Variants in OR2A5 observed in about 807,000 individuals in gnomAD.
OR2A5 encodes the protein olfactory receptor family 2 subfamily A member 5.
OR2A5 carries 2 observed loss-of-function variants against 1.9 expected under a neutral mutation model. That is an observed-to-expected ratio of 1.04 (90% confidence interval 0.43 to 3.28). OR2A5 has a LOEUF of 3.28. Among genes scored for constraint, OR2A5 ranks in the 30% most tolerant of loss-of-function variants. The pLI, the probability that OR2A5 is intolerant of heterozygous loss-of-function variation, is 0.08. For synonymous variants in OR2A5, 160 were observed against 154.5 expected (o/e 1.04, Z -0.26); for missense variants, 391 against 375.9 (o/e 1.04, Z -0.33).
At position 144,058,562 on chromosome 7, in the gene OR2A5, G is replaced by A. The variant is rs1345790204; in HGVS notation, c.*7225G>A. On this transcript the variant is annotated 3_prime_UTR_variant, in exon 2 of 2. Coordinates refer to ENST00000641693, the MANE Select transcript of OR2A5 (RefSeq NM_012365.2). ...AAGCAAACACATCCTTCTTCACACG[G>A]TGGCCAGAAGAACTGCCAAGCAAAG... 2 of 152,270 alleles carry A rather than the reference G, an allele frequency of 1.3e-5. No individual in the cohort carries two copies. The highest frequency in any genetic ancestry group is 1.5e-5 in the Non-Finnish European group (1 of 68,182). The allele number at this position is 152,270 out of a possible 1,614,324, so 9.4% of individuals were successfully genotyped here.
rs2951366 is a variant in OR2A5 at position 144,056,444 on chromosome 7, A to G, written c.*5107A>G. 0.62 allele frequency: 94,767 copies of G among 152,050 alleles called. 30,664 individuals carry two copies. Among genetic ancestry groups the G allele is most frequent in the African/African-American group, 0.79 (32,978 of 41,492 alleles). The allele number at this position is 152,050 out of a possible 1,614,324, so 9.4% of individuals were successfully genotyped here. On this transcript the variant is annotated 3_prime_UTR_variant, in exon 2 of 2. Coordinates refer to ENST00000641693, the MANE Select transcript of OR2A5 (RefSeq NM_012365.2). ...GATAGGAAGCCCAAAGAGCTGGGCC[A>G]AGACAACCCCTGAGCTTCTAGATGA...
Position 144,052,123 on chromosome 7 carries a change from A to G in OR2A5, c.*786A>G, listed in dbSNP as rs1036743165. 2 of 152,226 alleles carry G rather than the reference A, an allele frequency of 1.3e-5. No individual in the cohort carries two copies. Among genetic ancestry groups the G allele is most frequent in the Non-Finnish European group, 2.9e-5 (2 of 68,034 alleles). 9.4% of individuals were successfully genotyped at this position (152,226 alleles called of 1,614,324 possible). ...TGATTACATAAAATATTGTAGTAGT[A>G]AGAAAATACTGCAAAGGAAGAAAGC... On this transcript the variant is annotated 3_prime_UTR_variant, in exon 2 of 2. Transcript: ENST00000641693.
chr7:144,049,903 T>C (rs1186137832), intron 1 of OR2A5, among the ~76,000 whole-genome samples: 2 of 152,194 alleles, frequency 1.3e-5, no homozygotes, highest in Non-Finnish European at 2.9e-5. Context: ...TCTCTAATCA[T>C]TTACTGGAGC....
Position 144,050,837 on chromosome 7 carries a change from G to C in OR2A5, c.436G>C (p.Val146Leu). The C allele has an allele frequency of 6.2e-7, 1 of 1,614,172 alleles. No homozygotes were observed. The change falls in exon 2 of 2, where the codon GTC becomes CTC. Residue 146 changes from valine to leucine, a missense_variant. Val to Leu is a conservative substitution (Grantham distance 32, BLOSUM62 1). Transcript: ENST00000641693. ...MRWGVCTVLA[V>L]TSWACGSLLA... is the part of the protein sequence containing the mutation. The stretch of plus-strand genomic sequence containing the variant: ...ATGGGGAGTGTGCACAGTCCTGGCT[G>C]TCACTTCTTGGGCATGTGGTTCCCT...
Position 144,050,696 on chromosome 7 carries a change from A to G in OR2A5, c.295A>G (p.Met99Val), listed in dbSNP as rs2050894872. The G allele has an allele frequency of 1.2e-6, 2 of 1,614,170 alleles. No homozygotes were observed. The highest frequency in any genetic ancestry group is 1.7e-6 in the Non-Finnish European group (2 of 1,180,032). ...RKTISFVPCTMQTFLYMAFAH... is the reference protein window; with the variant it reads ...RKTISFVPCTVQTFLYMAFAH... ...AACAATCTCCTTTGTCCCATGCACAATGCAGACCTTTTTATACATGGCTTT... is the reference window on the plus strand; with the variant it reads ...AACAATCTCCTTTGTCCCATGCACAGTGCAGACCTTTTTATACATGGCTTT... The change falls in exon 2 of 2, where the codon ATG (methionine) becomes GTG (valine). Residue 99 changes from methionine (M) to valine (V), a missense_variant. Coordinates refer to ENST00000641693, the MANE Select transcript of OR2A5 (RefSeq NM_012365.2).
In OR2A5 at chr7:144,055,404, T is replaced by C. The variant is rs2128797798; in HGVS notation, c.*4067T>C. On this transcript the variant is annotated 3_prime_UTR_variant, in exon 2 of 2. Coordinates refer to ENST00000641693, the MANE Select transcript of OR2A5 (RefSeq NM_012365.2). ...TAGAGTCTTTCCAATGTCTCTTCAA[T>C]CTTGAAAATTTAAGATTTCATAATA... The C allele has an allele frequency of 6.6e-6, 1 of 152,330 alleles. No individual in the cohort carries two copies. Among genetic ancestry groups the C allele is most frequent in the South Asian group, 2.1e-4 (1 of 4,828 alleles). The allele number at this position is 152,330 out of a possible 1,614,324, so 9.4% of individuals were successfully genotyped here.
At position 144,055,693 on chromosome 7, in the gene OR2A5, C is replaced by T. The variant is rs991563927; in HGVS notation, c.*4356C>T. ...TTATTTCTAGATATACATGGTTTCA[C>T]ATTTTAAAATATTAGCCTGATATTC... On this transcript the variant is annotated 3_prime_UTR_variant, in exon 2 of 2. Coordinates refer to ENST00000641693, the MANE Select transcript of OR2A5 (RefSeq NM_012365.2). 4.3e-4 allele frequency: 66 copies of T among 152,200 alleles called. 1 individual carries two copies. Among genetic ancestry groups the T allele is most frequent in the Admixed American group, 4.3e-3 (65 of 15,284 alleles). 9.4% of individuals were successfully genotyped at this position (152,200 alleles called of 1,614,324 possible). A position where few individuals can be genotyped will look rare whatever the true frequency, so the allele number is the denominator to read the frequency against.
rs1236986735 is a variant in OR2A5, at chr7:144,056,859, G to A, written c.*5522G>A. 4 of 125,882 alleles carry A rather than the reference G, an allele frequency of 3.2e-5. No individual in the cohort carries two copies. Among genetic ancestry groups the A allele is most frequent in the African/African-American group, 1.3e-4 (4 of 31,466 alleles). The allele number at this position is 125,882 out of a possible 1,614,324, so 7.8% of individuals were successfully genotyped here. The stretch of plus-strand genomic sequence containing the variant: ...AGACGGAGTCTCGCTCTGTCGCCCA[G>A]GCTGGAGTGCAGTGGCACAATCTCG... On this transcript the variant is annotated 3_prime_UTR_variant, in exon 2 of 2. Transcript: ENST00000641693.
rs780387774 is a variant in OR2A5 at position 144,055,360 on chromosome 7, G to A, written c.*4023G>A. 10 of 152,090 alleles carry A rather than the reference G, an allele frequency of 6.6e-5. No individual in the cohort carries two copies. The highest frequency in any genetic ancestry group is 1.5e-4 in the Non-Finnish European group (10 of 68,016). The allele number at this position is 152,090 out of a possible 1,614,324, so 9.4% of individuals were successfully genotyped here. On this transcript the variant is annotated 3_prime_UTR_variant, in exon 2 of 2. Transcript: ENST00000641693. The stretch of plus-strand genomic sequence containing the variant: ...TAAAGGTTGAGTAAAATATAAATAC[G>A]TTGAACAGGCATTTGCAATAGAGTC...
Position 144,051,269 on chromosome 7 carries a change from T to C in OR2A5, c.868T>C (p.Tyr290His), listed in dbSNP as rs760194280. 6.2e-7 allele frequency: 1 copy of C among 1,613,872 alleles called. No individual in the cohort carries two copies. The highest frequency in any genetic ancestry group is 1.7e-5 in the Admixed American group (1 of 60,018). ...LFNPMLNPLI[Y>H]SLRNAEVKGA... The stretch of plus-strand genomic sequence containing the variant: ...CAACCCGATGCTGAACCCCTTGATC[T>C]ATAGCCTGAGGAACGCAGAGGTCAA... Residue 290 changes from tyrosine (Y) to histidine (H), a missense_variant, in exon 2 of 2, where the codon TAT becomes CAT. Coordinates refer to ENST00000641693, the MANE Select transcript of OR2A5 (RefSeq NM_012365.2).
chr7:144,051,436 T>C lies in OR2A5; in HGVS notation c.*99T>C. ...CTTACAGTCTCATCTCTTAGATTTC[T>C]GATATCAAGAATGTATATTGATTGG... is the stretch of plus-strand genomic sequence containing the variant. On this transcript the variant is annotated 3_prime_UTR_variant, in exon 2 of 2. Coordinates refer to ENST00000641693, the MANE Select transcript of OR2A5 (RefSeq NM_012365.2). 3.3e-6 allele frequency: 3 copies of C among 919,434 alleles called. No individual in the cohort carries two copies. 57.0% of individuals were successfully genotyped at this position (919,434 alleles called of 1,614,324 possible). A position where few individuals can be genotyped will look rare whatever the true frequency, so the allele number is the denominator to read the frequency against.
Position 144,050,704 on chromosome 7 carries a change from C to A in OR2A5, c.303C>A (p.Thr101=), listed in dbSNP as rs1563026611. 1.2e-6 allele frequency: 2 copies of A among 1,614,122 alleles called. No individual in the cohort carries two copies. Among genetic ancestry groups the A allele is most frequent in the Non-Finnish European group, 1.7e-6 (2 of 1,180,020 alleles). Residue 101 remains threonine, a synonymous_variant, in exon 2 of 2, where the codon ACC becomes ACA. Transcript: ENST00000641693. ...CCTTTGTCCCATGCACAATGCAGACCTTTTTATACATGGCTTTTGCTCACA... is the reference window on the plus strand; with the variant it reads ...CCTTTGTCCCATGCACAATGCAGACATTTTTATACATGGCTTTTGCTCACA... The part of the protein sequence containing the change: ...TISFVPCTMQ[T]FLYMAFAHTE...
chr7:144,050,107 T>C (rs73156545), intron 1 of OR2A5, among the ~76,000 whole-genome samples: 36,988 of 152,162 alleles, frequency 0.24, 5,515 homozygotes, highest in East Asian at 0.66. Flanking sequence ...GCCCTTCTGA[T>C]AGCAAAAATG....
Position 144,052,047 on chromosome 7 carries a change from T to C in OR2A5, c.*710T>C, listed in dbSNP as rs2050911096. The C allele has an allele frequency of 6.6e-6, 1 of 152,198 alleles. No individual in the cohort carries two copies. Among genetic ancestry groups the C allele is most frequent in the Non-Finnish European group, 1.5e-5 (1 of 68,028 alleles). 9.4% of individuals were successfully genotyped at this position (152,198 alleles called of 1,614,324 possible). On this transcript the variant is annotated 3_prime_UTR_variant, in exon 2 of 2. Transcript: ENST00000641693. ...AATGTTATTAGGGATAGTTACCTTT[T>C]TCATAATTCAGATCGCAAAGCCGGG...
At position 144,050,764 on chromosome 7, in the gene OR2A5, T is replaced by C. The variant is rs368733961; in HGVS notation, c.363T>C (p.Asp121=). 14 of 1,614,062 alleles carry C rather than the reference T, an allele frequency of 8.7e-6. No homozygotes were observed. The highest frequency in any genetic ancestry group is 5.5e-5 in the South Asian group (5 of 91,084). ...TCATCTTGGTAATGATGTCCTACGA[T>C]CGGTACATGGCTATCTGCCACCCTC... ...ECLILVMMSY[D]RYMAICHPLQ... Residue 121 remains aspartate (D), a synonymous_variant, in exon 2 of 2, where the codon GAT becomes GAC. Coordinates refer to ENST00000641693, the MANE Select transcript of OR2A5 (RefSeq NM_012365.2).
At position 144,055,603 on chromosome 7, in the gene OR2A5, A is replaced by C. The variant is rs1035784498; in HGVS notation, c.*4266A>C. The stretch of plus-strand genomic sequence containing the variant: ...CAAAAGAAAATATTCAAGTAGGAAA[A>C]AATTGTTGTATAAGCTTCATACTTG... On this transcript the variant is annotated 3_prime_UTR_variant, in exon 2 of 2. Coordinates refer to ENST00000641693, the MANE Select transcript of OR2A5 (RefSeq NM_012365.2). 6.6e-6 allele frequency: 1 copy of C among 152,206 alleles called. No individual in the cohort carries two copies. Among genetic ancestry groups the C allele is most frequent in the Non-Finnish European group, 1.5e-5 (1 of 68,030 alleles). The allele number at this position is 152,206 out of a possible 1,614,324, so 9.4% of individuals were successfully genotyped here. A position where few individuals can be genotyped will look rare whatever the true frequency, so the allele number is the denominator to read the frequency against.
Position 144,052,667 on chromosome 7 carries a change from C to T in OR2A5, c.*1330C>T, listed in dbSNP as rs1486619533. ...AAGCCTAGTTGCTGACTATTCTGCT[C>T]ATCCATTCATCTCGGTTAAACATTC... On this transcript the variant is annotated 3_prime_UTR_variant, in exon 2 of 2. Transcript: ENST00000641693. 6.6e-6 allele frequency: 1 copy of T among 152,122 alleles called. No homozygotes were observed. The highest frequency in any genetic ancestry group is 1.9e-4 in the East Asian group (1 of 5,182). The allele number at this position is 152,122 out of a possible 1,614,324, so 9.4% of individuals were successfully genotyped here.
chr7:144,052,054 T>C lies in OR2A5; in HGVS notation c.*717T>C, dbSNP rs1225837315. The C allele has an allele frequency of 6.6e-6, 1 of 152,214 alleles. No individual in the cohort carries two copies. The highest frequency in any genetic ancestry group is 1.5e-5 in the Non-Finnish European group (1 of 68,050). The allele number at this position is 152,214 out of a possible 1,614,324, so 9.4% of individuals were successfully genotyped here. On this transcript the variant is annotated 3_prime_UTR_variant, in exon 2 of 2. Transcript: ENST00000641693. ...TTAGGGATAGTTACCTTTTTCATAA[T>C]TCAGATCGCAAAGCCGGGTGTAGGT...
chr7:144,057,851 T>C lies in OR2A5; in HGVS notation c.*6514T>C, dbSNP rs2050952140. The C allele has an allele frequency of 6.6e-6, 1 of 152,148 alleles. No homozygotes were observed. Among genetic ancestry groups the C allele is most frequent in the African/African-American group, 2.4e-5 (1 of 41,426 alleles). 9.4% of individuals were successfully genotyped at this position (152,148 alleles called of 1,614,324 possible). ...AAACAAAATAGCTTTTTATATGAAA[T>C]AATAAAAGCTCTTAGCAGCTGTAAC... On this transcript the variant is annotated 3_prime_UTR_variant, in exon 2 of 2. Coordinates refer to ENST00000641693, the MANE Select transcript of OR2A5 (RefSeq NM_012365.2).
Sources: gnomAD v4.1 joint callset for allele counts (sites outside exome capture counted in the v4.1 genomes callset) on GRCh38, gnomAD v4.1.1 for gene constraint, MANE v1.5 for transcripts, NCBI Gene and HGNC (gene_info 2026-07-23, HGNC 2026-07-21) for gene names.